The following FTO variants were observed in gnomAD, a reference collection of about 807,000 sequenced individuals.
The protein encoded by FTO is FTO alpha-ketoglutarate dependent dioxygenase, also known as alpha-ketoglutarate-dependent dioxygenase FTO.
FTO carries 47 observed loss-of-function variants against 63.9 expected under a neutral mutation model. The ratio of observed to expected loss-of-function variants is 0.74; its 90% confidence interval spans 0.58 to 0.94. The LOEUF is 0.94. Ranked by LOEUF, FTO falls within the 40% of genes least tolerant of loss-of-function variation. The probability of loss-of-function intolerance (pLI) is 0.00; values close to 1 mark genes in which losing one functional copy is unlikely to be tolerated. For synonymous variants in FTO, 207 were observed against 224.4 expected, an observed-to-expected ratio of 0.92 and a Z score of 0.69; for missense variants, 562 against 618.1, an observed-to-expected ratio of 0.91 and a Z score of 0.96.
At chr16:53,812,901 C>G (rs560336540) in intron 2 of FTO, among the ~76,000 whole-genome samples, 1 of 152,276 alleles carries the variant, frequency 6.6e-6, no homozygotes, top group South Asian at 2.1e-4. Flanking sequence ...GGTAAACCCA[C>G]AAAAATGCAA....
At chr16:53,883,643 A>AC (rs1482033717) in intron 6 of FTO, among the ~76,000 whole-genome samples, 8 of 150,510 alleles carry the variant, frequency 5.3e-5, no homozygotes, top group East Asian at 2.0e-4. Context: ...AAACAAAAAA[A>AC]AAAAAACAAA....
intron 8 of FTO, among the ~76,000 whole-genome samples, chr16:53,979,827 G>A (rs1302821669): frequency 1.3e-5 from 2 of 152,108 alleles, no homozygotes; most frequent in Non-Finnish European, 2.9e-5. Flanking sequence ...CTAGTCTCCT[G>A]GCCAGCTCTT....
intron 6 of FTO, among the ~76,000 whole-genome samples, chr16:53,885,613 C>T (rs1407584992): frequency 6.6e-6 from 1 of 152,200 alleles, no homozygotes; most frequent in African/African-American, 2.4e-5. Context: ...AAGTCCAAAG[C>T]CTTGTGGTCT....
rs72809656 is a variant in FTO at position 54,048,433 on chromosome 16, G to T, written c.1365-63329G>T. On this transcript the variant is annotated intron_variant, in intron 8 of 8. Transcript: ENST00000471389. ...CAAAAGTCGTTTTGATATCTTTTTAGTAAATCATTCCACCAACGCTGTGCA... is the reference window on the plus strand; with the variant it reads ...CAAAAGTCGTTTTGATATCTTTTTATTAAATCATTCCACCAACGCTGTGCA... Among the ~76,000 whole-genome samples, 934 of 152,104 alleles carry T rather than the reference G, an allele frequency of 6.1e-3. 5 individuals carry two copies. The highest frequency in any genetic ancestry group is 0.011 in the Non-Finnish European group (723 of 67,990).
chr16:53,853,393 T>C (rs1420717520), intron 4 of FTO, among the ~76,000 whole-genome samples: 1 of 152,168 alleles, frequency 6.6e-6, no homozygotes, highest in Admixed American at 6.5e-5. Context: ...TGTTGAAGTC[T>C]GGTATTTTAA....
chr16:53,722,181 T>TGTGTATGGTACATTTACTG (rs1299265662), intron 1 of FTO, among the ~76,000 whole-genome samples: 6 of 152,210 alleles, frequency 3.9e-5, no homozygotes, highest in Non-Finnish European at 8.8e-5. Context: ...ACGGTAAGTT[T>TGTGTATGGTACATTTACTG]GTGTATGGTA....
chr16:53,991,661 G>A (rs1430991242), intron 8 of FTO: 1 of 152,126 alleles, frequency 6.6e-6, no homozygotes, highest in Non-Finnish European at 1.5e-5. Context: ...ATAACTGCTT[G>A]GTATGCTTCC....
chr16:53,866,454 A>T (rs2080317745), intron 4 of FTO, among the ~76,000 whole-genome samples: 1 of 152,162 alleles, frequency 6.6e-6, no homozygotes, highest in Non-Finnish European at 1.5e-5. Flanking sequence ...GAATTAGTAT[A>T]ATTTCTTCCT....
intron 8 of FTO, among the ~76,000 whole-genome samples, chr16:54,081,594 C>T (rs1327065455): frequency 6.6e-6 from 1 of 152,076 alleles, no homozygotes; most frequent in African/African-American, 2.4e-5. Context: ...AGATTTGAAG[C>T]CAAAATAACA....
chr16:53,826,450 T>C lies in FTO; in HGVS notation c.710T>C (p.Val237Ala), dbSNP rs1192563467. Reference sequence around the variant, plus strand: ...AGCTGGCATCATGATGAAAATCTGGTGGACAGGTCAGCGGTGGCAGTGTAC... The same window carrying C: ...AGCTGGCATCATGATGAAAATCTGGCGGACAGGTCAGCGGTGGCAGTGTAC... ...AVSWHHDENLVDRSAVAVYSY... is the reference protein window; with the variant it reads ...AVSWHHDENLADRSAVAVYSY... The change falls in exon 3 of 9, where the codon GTG becomes GCG. Residue 237 changes from valine to alanine, a missense_variant. Coordinates refer to ENST00000471389, the MANE Select transcript of FTO (RefSeq NM_001080432.3). 6.2e-7 allele frequency: 1 copy of C among 1,614,168 alleles called. No individual in the cohort carries two copies. Among genetic ancestry groups the C allele is most frequent in the Admixed American group, 1.7e-5 (1 of 60,014 alleles).
chr16:53,844,538 C>G (rs141642152), intron 4 of FTO, among the ~76,000 whole-genome samples: 3,895 of 152,214 alleles, frequency 0.026, 70 homozygotes, highest in Middle Eastern at 0.058. Flanking sequence ...CTGCTCATTG[C>G]CGTTTCCACC....
intron 5 of FTO, among the ~76,000 whole-genome samples, chr16:53,876,776 A>G (rs150949765): frequency 2.0e-5 from 3 of 152,238 alleles, no homozygotes; most frequent in African/African-American, 7.2e-5. Flanking sequence ...AAAATTCAAA[A>G]ATTAGCCAGG....
At chr16:53,756,303 C>G (rs1398368725) in intron 1 of FTO, among the ~76,000 whole-genome samples, 1 of 152,190 alleles carries the variant, frequency 6.6e-6, no homozygotes, top group Non-Finnish European at 1.5e-5. Flanking sequence ...TCACTCCCTT[C>G]CAGTGTTGGT....
chr16:53,824,233 C>G (rs1307708444), intron 2 of FTO, among the ~76,000 whole-genome samples: 1 of 152,240 alleles, frequency 6.6e-6, no homozygotes, highest in Non-Finnish European at 1.5e-5. Context: ...CCTCCGCCTT[C>G]CTCTGCCTCC....
chr16:54,026,846 T>A (rs1467902440), intron 8 of FTO, among the ~76,000 whole-genome samples: 1 of 152,248 alleles, frequency 6.6e-6, no homozygotes, highest in Non-Finnish European at 1.5e-5. Flanking sequence ...GGAGTAGGAA[T>A]TGAAGGAAAA....
At chr16:53,744,282 C>G (rs143469676) in intron 1 of FTO, among the ~76,000 whole-genome samples, 29 of 152,270 alleles carry the variant, frequency 1.9e-4, no homozygotes, top group African/African-American at 6.5e-4. Flanking sequence ...GCACCTAGGC[C>G]TAGGGTTTTC....
At chr16:54,110,153 G>A (rs142672317) in intron 8 of FTO, among the ~76,000 whole-genome samples, 5 of 152,216 alleles carry the variant, frequency 3.3e-5, no homozygotes, top group African/African-American at 9.6e-5. Flanking sequence ...GACAGCAAGC[G>A]GCATGGTCTC....
chr16:53,710,485 G>A (rs918172935), intron 1 of FTO, among the ~76,000 whole-genome samples: 2 of 151,966 alleles, frequency 1.3e-5, no homozygotes, highest in African/African-American at 4.8e-5. Context: ...GCCTGATCTC[G>A]AACTCCTGAC....
chr16:54,056,583 G>T (rs7187423), intron 8 of FTO, among the ~76,000 whole-genome samples: 1 of 152,058 alleles, frequency 6.6e-6, no homozygotes, highest in South Asian at 2.1e-4. Flanking sequence ...GACTACTCAC[G>T]CTGGGAGAAG....
Sources: allele counts gnomAD v4.1 joint callset (sites outside exome capture counted in the v4.1 genomes callset), GRCh38; gene constraint gnomAD v4.1.1; transcripts MANE v1.5; gene names NCBI Gene and HGNC (gene_info 2026-07-23, HGNC 2026-07-21).